LINGO1: variants seen among roughly 807,000 people sequenced by gnomAD.
The protein encoded by LINGO1 is leucine-rich repeat and immunoglobulin-like domain-containing nogo receptor-interacting protein 1.
LINGO1 carries 11 observed loss-of-function variants against 37.3 expected under a neutral mutation model. The ratio of observed to expected loss-of-function variants is 0.29; its 90% CI spans 0.19 to 0.49. The LOEUF is 0.49. Among genes scored for constraint, LINGO1 ranks in the 20% least tolerant of loss-of-function variants. The probability of loss-of-function intolerance (pLI) is 0.99; values close to 1 mark genes in which losing one functional copy is unlikely to be tolerated. For missense variants in LINGO1, 585 were observed against 878.2 expected (o/e 0.67, Z 4.22); for synonymous variants, 387 against 403.0 (o/e 0.96, Z 0.48).
At chr15:77,688,419 A>G (rs2075547932) in intron 2 of LINGO1, among the ~76,000 whole-genome samples, 1 of 152,228 alleles carries the variant, frequency 6.6e-6, no homozygotes, top group Non-Finnish European at 1.5e-5. Context: ...TGGGTTTCCC[A>G]GCCTCTTTCA....
chr15:77,701,676 AT>A (rs2075785356), intron 2 of LINGO1, among the ~76,000 whole-genome samples: 1 of 152,036 alleles, frequency 6.6e-6, no homozygotes, highest in Non-Finnish European at 1.5e-5. Flanking sequence ...ATGAGAACTG[AT>A]TGTTAAAAAG....
chr15:77,673,101 C>T (rs2075277546), intron 3 of LINGO1, among the ~76,000 whole-genome samples: 1 of 152,126 alleles, frequency 6.6e-6, no homozygotes, highest in African/African-American at 2.4e-5. Flanking sequence ...TACCTCAAAC[C>T]ACACACAGAA....
At chr15:77,738,834 G>C (rs1365394792) in intron 1 of LINGO1, among the ~76,000 whole-genome samples, 1 of 150,136 alleles carries the variant, frequency 6.7e-6, no homozygotes, top group East Asian at 1.9e-4. Flanking sequence ...GAAGGAAGGG[G>C]CACAGCCAAC....
chr15:77,722,365 G>A (rs145441043), intron 2 of LINGO1, among the ~76,000 whole-genome samples: 200 of 152,332 alleles, frequency 1.3e-3, no homozygotes, highest in Non-Finnish European at 2.4e-3. Flanking sequence ...GCCACAGGGC[G>A]TGGCAACCCT....
At chr15:77,655,012 C>T (rs781356756) in intron 3 of LINGO1, among the ~76,000 whole-genome samples, 16 of 152,288 alleles carry the variant, frequency 1.1e-4, no homozygotes, top group Admixed American at 9.8e-4. Flanking sequence ...GGAGGCTTGC[C>T]CGTTCATCTC....
At chr15:77,718,159 C>G (rs2076007401) in intron 2 of LINGO1, among the ~76,000 whole-genome samples, 1 of 150,906 alleles carries the variant, frequency 6.6e-6, no homozygotes, top group African/African-American at 2.4e-5. Context: ...TAGGGAGCCA[C>G]CTTCTTCCAG....
At chr15:77,707,780 A>G (rs2075870346) in intron 2 of LINGO1, among the ~76,000 whole-genome samples, 1 of 152,124 alleles carries the variant, frequency 6.6e-6, no homozygotes, top group Admixed American at 6.5e-5. Context: ...CCCCTGGGGA[A>G]GGCTCTGACC....
chr15:77,778,684 C>T (rs768795831), intron 1 of LINGO1, among the ~76,000 whole-genome samples: 70 of 152,336 alleles, frequency 4.6e-4, no homozygotes, highest in South Asian at 1.0e-3. Flanking sequence ...CCACTTCTCA[C>T]CACTCCACGG....
chr15:77,760,959 C>A, intron 1 of LINGO1, among the ~76,000 whole-genome samples: 1 of 128,292 alleles, frequency 7.8e-6, no homozygotes, highest in Admixed American at 8.3e-5. Context: ...CAAGGTCTCA[C>A]TCTGTCACCC....
rs959291247 is a variant in LINGO1 at position 77,719,501 on chromosome 15, C to T, written c.-195+15491G>A. ...GGTCAGGCTGGCATGGACATGAGGA[C>T]GGGGAGGTCACGGGAGACACACGGG... is the stretch of plus-strand genomic sequence containing the variant. On this transcript the variant is annotated intron_variant, in intron 2 of 3. Transcript: ENST00000561686. 3.3e-5 allele frequency among the ~76,000 whole-genome samples: 5 copies of T among 149,690 alleles called. 1 individual carries two copies. The highest frequency in any genetic ancestry group is 7.4e-5 in the Non-Finnish European group (5 of 67,402).
At chr15:77,661,350 C>A (rs532232947) in intron 3 of LINGO1, among the ~76,000 whole-genome samples, 2 of 152,350 alleles carry the variant, frequency 1.3e-5, no homozygotes, top group East Asian at 3.9e-4. Flanking sequence ...CTGGGAAGTC[C>A]TGGGGACAAG....
chr15:77,625,893 G>A (rs1196676238), intron 1 of LINGO1, among the ~76,000 whole-genome samples: 1 of 152,160 alleles, frequency 6.6e-6, no homozygotes, highest in African/African-American at 2.4e-5. Context: ...TGCTGGGGGC[G>A]GAGAGTTCAG....
intron 3 of LINGO1, among the ~76,000 whole-genome samples, chr15:77,663,489 T>G (rs993981254): frequency 6.6e-6 from 1 of 152,176 alleles, no homozygotes; most frequent in Non-Finnish European, 1.5e-5. Context: ...GGGACCCGTT[T>G]AACCACTCAG....
At chr15:77,787,639 G>A (rs976973850), upstream of LINGO1, among the ~76,000 whole-genome samples, 41 of 152,036 alleles carry the variant, frequency 2.7e-4, no homozygotes, top group Non-Finnish European at 1.5e-4. Context: ...ACCGCTGAGC[G>A]GAAAAGCGTT....
intron 2 of LINGO1, chr15:77,690,621 GATACAGT>G (rs1178477692): frequency 1.3e-5 from 2 of 152,184 alleles, no homozygotes; most frequent in Non-Finnish European, 2.9e-5. Flanking sequence ...GATCCTGACC[GATACAGT>G]GTACAGAAAG....
At chr15:77,757,998 A>G (rs1219129434) in intron 1 of LINGO1, among the ~76,000 whole-genome samples, 3 of 152,228 alleles carry the variant, frequency 2.0e-5, no homozygotes, top group African/African-American at 2.4e-5. Context: ...GGAAAAATAT[A>G]TGACACTGTA....
chr15:77,669,037 A>AAATCC (rs1425489266), intron 3 of LINGO1, among the ~76,000 whole-genome samples: 1 of 152,270 alleles, frequency 6.6e-6, no homozygotes, highest in African/African-American at 2.4e-5. Flanking sequence ...GCTTCACAGA[A>AAATCC]AATCCCTTCT....
chr15:77,743,132 G>C (rs2076281354), intron 1 of LINGO1, among the ~76,000 whole-genome samples: 1 of 152,126 alleles, frequency 6.6e-6, no homozygotes, highest in African/African-American at 2.4e-5. Flanking sequence ...GCTCCATGCT[G>C]CCTTGGCTCT....
At chr15:77,637,734 C>T (rs1169671137), upstream of LINGO1, among the ~76,000 whole-genome samples, 1 of 152,210 alleles carries the variant, frequency 6.6e-6, no homozygotes, top group African/African-American at 2.4e-5. This position sits in a 1 kb window ranked among gnomAD's most constrained non-coding sequence, Gnocchi z 4.6. Context: ...AGCATTCCCA[C>T]TCGGAGACAC....
Sources: gnomAD v4.1 joint callset for allele counts (sites outside exome capture counted in the v4.1 genomes callset) on GRCh38, gnomAD v4.1.1 for gene constraint, Gnocchi (gnomAD v3.1) non-coding constraint, MANE v1.5 for transcripts, NCBI Gene and HGNC (gene_info 2026-07-23, HGNC 2026-07-21) for gene names.